Variants in ERC2 observed in about 807,000 individuals in gnomAD.
ERC2 encodes ELKS/RAB6-interacting/CAST family member 2, also known as ERC protein 2.
ERC2 carries 42 observed loss-of-function variants against 114.8 expected under a neutral mutation model. That is an observed-to-expected ratio of 0.37 (90% confidence interval 0.29 to 0.47). ERC2 has a LOEUF of 0.47. Ranked by LOEUF, ERC2 falls within the 20% of genes least tolerant of loss-of-function variation. The pLI is 0.99. For synonymous variants in ERC2, 454 were observed against 425.5 expected, an observed-to-expected ratio of 1.07 and a Z score of -0.82; for missense variants, 939 against 1,150.7, an observed-to-expected ratio of 0.82 and a Z score of 2.66.
intron 2 of ERC2, among the ~76,000 whole-genome samples, chr3:56,326,514 C>T (rs2057369205): frequency 6.6e-6 from 1 of 152,220 alleles, no homozygotes; most frequent in African/African-American, 2.4e-5. Context: ...AGAACCCTCT[C>T]TAAAGCTGTT....
intron 17 of ERC2, among the ~76,000 whole-genome samples, chr3:55,565,162 A>G (rs2056287511): frequency 6.6e-6 from 1 of 152,216 alleles, no homozygotes; most frequent in African/African-American, 2.4e-5. Context: ...TATATCATAT[A>G]AGAAAAAAAG....
At chr3:56,392,286 G>T (rs774013007) in intron 2 of ERC2, among the ~76,000 whole-genome samples, 16 of 152,134 alleles carry the variant, frequency 1.1e-4, no homozygotes, top group Non-Finnish European at 1.8e-4. Context: ...CTGGTCCTTA[G>T]TAACAGAAGT....
chr3:55,765,951 T>C (rs1195950420), intron 14 of ERC2, among the ~76,000 whole-genome samples: 1 of 152,208 alleles, frequency 6.6e-6, no homozygotes, highest in East Asian at 1.9e-4. Context: ...TAGGGTGCAG[T>C]CTTTTAAAGA....
rs1268119824 is a variant in ERC2, at chr3:55,583,426, C to T, written c.*40-72150G>A. Among the ~76,000 whole-genome samples, 6 of 129,874 alleles carry T rather than the reference C, an allele frequency of 4.6e-5. No individual in the cohort carries two copies. The East Asian group carries it at 1.1e-3, about 24-fold the overall frequency. 85.2% of individuals were successfully genotyped at this position (129,874 alleles called of 152,430 possible). A position where few individuals can be genotyped will look rare whatever the true frequency, so the allele number is the denominator to read the frequency against. On this transcript the variant is annotated intron_variant, in intron 17 of 17. Coordinates refer to ENST00000288221, the MANE Select transcript of ERC2 (RefSeq NM_015576.3). ...TCCTTCCTTCCTTCCTTCCTTCCTT[C>T]CTTCCTTCCTTCCTTCCTCCCTCCC... is the stretch of plus-strand genomic sequence containing the variant.
chr3:56,293,705 G>A (rs938500548), intron 3 of ERC2, among the ~76,000 whole-genome samples: 2 of 152,228 alleles, frequency 1.3e-5, no homozygotes, highest in African/African-American at 4.8e-5. Flanking sequence ...CTAGTTGAAT[G>A]TATTGGTCTG....
chr3:55,791,722 G>A (rs911277227), intron 14 of ERC2, among the ~76,000 whole-genome samples: 1 of 152,154 alleles, frequency 6.6e-6, no homozygotes, highest in African/African-American at 2.4e-5. Flanking sequence ...CTTATTTGTG[G>A]TCAATACTGA....
chr3:55,787,503 C>T (rs2069611061), intron 14 of ERC2, among the ~76,000 whole-genome samples: 1 of 152,152 alleles, frequency 6.6e-6, no homozygotes, highest in Admixed American at 6.6e-5. Context: ...ATGTGATCTC[C>T]ATTCAGATAC....
rs1166288260 is a variant in ERC2 at position 55,510,086 on chromosome 3, A to G, written c.*1230T>C. On this transcript the variant is annotated 3_prime_UTR_variant, in exon 18 of 18. Transcript: ENST00000288221. The stretch of plus-strand genomic sequence containing the variant: ...CCTTAGTACCATATCACTGTATGTA[A>G]AAGACCTCAAAATTTGGTCTTTTTC... 1 of 152,584 alleles carries G rather than the reference A, an allele frequency of 6.6e-6. No individual in the cohort carries two copies. Among genetic ancestry groups the G allele is most frequent in the African/African-American group, 2.4e-5 (1 of 41,418 alleles). The allele number at this position is 152,584 out of a possible 1,614,324, so 9.5% of individuals were successfully genotyped here.
At chr3:56,353,678 A>C in intron 2 of ERC2, among the ~76,000 whole-genome samples, 1 of 109,618 alleles carries the variant, frequency 9.1e-6, no homozygotes, top group Non-Finnish European at 1.8e-5. Context: ...GGGGGGAGGG[A>C]TAGCATTAGG....
intron 2 of ERC2, among the ~76,000 whole-genome samples, chr3:56,369,016 A>G (rs950297937): frequency 6.6e-6 from 1 of 152,172 alleles, no homozygotes; most frequent in African/African-American, 2.4e-5. Context: ...ATCCTCTAGA[A>G]GTCGCCAGCT....
chr3:56,243,736 G>A (rs1053780104), intron 3 of ERC2, among the ~76,000 whole-genome samples: 3 of 152,186 alleles, frequency 2.0e-5, no homozygotes, highest in South Asian at 2.1e-4. Context: ...ATAGACAGGT[G>A]CAGTGCCTGG....
In ERC2 at chr3:55,985,981, G is replaced by A; in HGVS notation, c.2263C>T (p.Leu755Phe). Reference sequence around the variant, plus strand: ...AGAAAAACTGAAATTACTGACCTGAGAGTCAAGCTGATTGGAGCAAGGGTG... The same window carrying A: ...AGAAAAACTGAAATTACTGACCTGAAAGTCAAGCTGATTGGAGCAAGGGTG... ...KKIAELESLT[L>F]RHMKDQNKKV... The change falls in exon 12 of 18, where the codon CTC becomes TTC. Residue 755 changes from leucine to phenylalanine, a missense_variant. This residue lies in a region of ERC2 where 328 missense variants were observed against 353.9 expected (regional missense o/e 0.93). Transcript: ENST00000288221. The A allele has an allele frequency of 6.5e-7, 1 of 1,540,352 alleles. No individual in the cohort carries two copies. The highest frequency in any genetic ancestry group is 8.7e-7 in the Non-Finnish European group (1 of 1,148,594).
intron 14 of ERC2, among the ~76,000 whole-genome samples, chr3:55,887,192 C>A (rs1449991401): frequency 2.0e-5 from 3 of 152,088 alleles, no homozygotes; most frequent in Non-Finnish European, 4.4e-5. Context: ...CACCTCTGAA[C>A]TGAGTATAAT....
chr3:56,109,936 T>C (rs144305430), intron 6 of ERC2, among the ~76,000 whole-genome samples: 63 of 152,198 alleles, frequency 4.1e-4, no homozygotes, highest in Non-Finnish European at 6.8e-4. Flanking sequence ...AAAAACCTCA[T>C]GACAACTCAC....
chr3:55,836,481 C>T (rs1279334620), intron 14 of ERC2, among the ~76,000 whole-genome samples: 1 of 152,172 alleles, frequency 6.6e-6, no homozygotes, highest in African/African-American at 2.4e-5. Flanking sequence ...TTTGACAAAC[C>T]TGAGAAAAAC....
At chr3:56,254,959 T>C (rs148930864) in intron 3 of ERC2, among the ~76,000 whole-genome samples, 242 of 152,358 alleles carry the variant, frequency 1.6e-3, no homozygotes, top group African/African-American at 5.3e-3. Context: ...GTAGCAATTA[T>C]TCAAAGACCA....
At chr3:56,203,462 C>T (rs1380902105) in intron 3 of ERC2, among the ~76,000 whole-genome samples, 1 of 152,124 alleles carries the variant, frequency 6.6e-6, no homozygotes, top group East Asian at 1.9e-4. Context: ...ATTAAGTTAT[C>T]GTATACTCTC....
intron 13 of ERC2, among the ~76,000 whole-genome samples, chr3:55,915,736 T>C (rs1018858992): frequency 1.3e-5 from 2 of 152,136 alleles, no homozygotes; most frequent in African/African-American, 4.8e-5. Context: ...GACAACAGCC[T>C]CAATTAAGAT....
intron 17 of ERC2, among the ~76,000 whole-genome samples, chr3:55,680,736 C>T (rs767635767): frequency 6.6e-6 from 1 of 152,080 alleles, no homozygotes; most frequent in Non-Finnish European, 1.5e-5. Context: ...CCCGTGGAGT[C>T]TCTAGAAGAA....
Sources: gnomAD v4.1 joint callset for allele counts (sites outside exome capture counted in the v4.1 genomes callset) on GRCh38, gnomAD v4.1.1 for gene constraint, gnomAD v4.1.1 regional missense constraint, MANE v1.5 for transcripts, NCBI Gene and HGNC (gene_info 2026-07-23, HGNC 2026-07-21) for gene names.